PPP2R3A: variants seen among roughly 807,000 people sequenced by gnomAD.
The protein encoded by PPP2R3A is protein phosphatase 2 regulatory subunit B''alpha, also known as serine/threonine-protein phosphatase 2A regulatory subunit B'' subunit alpha.
PPP2R3A carries 80 observed loss-of-function variants against 106.9 expected under a neutral mutation model. The observed-to-expected ratio is 0.75, with a 90% confidence interval of 0.62 to 0.90. PPP2R3A has a LOEUF of 0.90. PPP2R3A is among the 40% of genes least tolerant of loss of function. The pLI is 0.00. For missense variants in PPP2R3A, 1,386 were observed against 1,350.4 expected, an observed-to-expected ratio of 1.03 and a Z score of -0.41; for synonymous variants, 483 against 468.3, an observed-to-expected ratio of 1.03 and a Z score of -0.41.
chr3:136,098,997 G>A (rs113888589), intron 10 of PPP2R3A, among the ~76,000 whole-genome samples: 5 of 152,170 alleles, frequency 3.3e-5, no homozygotes, highest in African/African-American at 9.7e-5. Context: ...AGATGTGAAT[G>A]TGATCTTGAA....
chr3:136,066,884 A>T (rs1936276142), intron 5 of PPP2R3A, among the ~76,000 whole-genome samples: 1 of 152,228 alleles, frequency 6.6e-6, no homozygotes, highest in Non-Finnish European at 1.5e-5. Flanking sequence ...CATATCATTT[A>T]TTAATGTCGT....
At chr3:136,074,920 T>C (rs1936549501) in intron 6 of PPP2R3A, among the ~76,000 whole-genome samples, 1 of 152,196 alleles carries the variant, frequency 6.6e-6, no homozygotes, top group Non-Finnish European at 1.5e-5. Context: ...CAGAAGACCA[T>C]AAGGAAATAC....
At chr3:136,041,975 G>C (rs1935303869) in intron 4 of PPP2R3A, among the ~76,000 whole-genome samples, 1 of 151,964 alleles carries the variant, frequency 6.6e-6, no homozygotes, top group Admixed American at 6.6e-5. Context: ...CCCTTGTTAT[G>C]CATGTTCTTC....
chr3:136,049,179 C>A, intron 4 of PPP2R3A, 80 bp from the exon 5 acceptor site: 1 of 1,066,020 alleles, frequency 9.4e-7, no homozygotes. Flanking sequence ...TCAGATCAAA[C>A]TGAAATTACT....
At position 136,098,530 on chromosome 3, in the gene PPP2R3A, A is replaced by G. The variant is rs76723906; in HGVS notation, c.2928-3477A>G. On this transcript the variant is annotated intron_variant, in intron 10 of 13. Coordinates refer to ENST00000264977, the MANE Select transcript of PPP2R3A (RefSeq NM_002718.5). ...TGGTTCTTAATATGGTTTCAGGCCT[A>G]CAAGTGGGAATTTGAACAGCGGTCT... Among the ~76,000 whole-genome samples the G allele has an allele frequency of 2.0e-3, 309 of 152,324 alleles. 2 individuals are homozygous for G. Among genetic ancestry groups the G allele is most frequent in the African/African-American group, 7.0e-3 (292 of 41,574 alleles).
rs1439784218 is a variant in PPP2R3A at position 136,146,802 on chromosome 3, C to G, written c.*1636C>G. The G allele has an allele frequency of 1.3e-5, 2 of 151,502 alleles. No homozygotes were observed. Among genetic ancestry groups the G allele is most frequent in the African/African-American group, 4.9e-5 (2 of 41,224 alleles). The allele number at this position is 151,502 out of a possible 1,614,324, so 9.4% of individuals were successfully genotyped here. A position where few individuals can be genotyped will look rare whatever the true frequency, so the allele number is the denominator to read the frequency against. ...AGATTATTTATGTGATAAATGAAAT[C>G]TCCTACCAATCCATCCAGCCTTTAC... On this transcript the variant is annotated 3_prime_UTR_variant, in exon 14 of 14. Coordinates refer to ENST00000264977, the MANE Select transcript of PPP2R3A (RefSeq NM_002718.5).
intron 6 of PPP2R3A, among the ~76,000 whole-genome samples, chr3:136,074,405 T>C (rs1349599832): frequency 6.6e-6 from 1 of 152,242 alleles, no homozygotes; most frequent in Non-Finnish European, 1.5e-5. Flanking sequence ...TGTATTCTTA[T>C]TTCCAAAAAG....
chr3:136,047,045 A>T (rs1935493394), intron 4 of PPP2R3A, among the ~76,000 whole-genome samples: 1 of 152,254 alleles, frequency 6.6e-6, no homozygotes, highest in Non-Finnish European at 1.5e-5. Flanking sequence ...ACAAAAATAA[A>T]AAAGAATTTT....
intron 2 of PPP2R3A, among the ~76,000 whole-genome samples, chr3:136,020,213 T>A (rs1934418034): frequency 6.6e-6 from 1 of 152,164 alleles, no homozygotes; most frequent in Admixed American, 6.5e-5. Flanking sequence ...CCCTTTTACC[T>A]GAACATGATT....
chr3:136,133,360 C>T (rs1938494028), intron 13 of PPP2R3A, among the ~76,000 whole-genome samples: 1 of 151,936 alleles, frequency 6.6e-6, no homozygotes, highest in Non-Finnish European at 1.5e-5. Context: ...AAAGGAGGTA[C>T]AAACAGTAAA....
chr3:135,988,455 C>G (rs1422137400), intron 1 of PPP2R3A, among the ~76,000 whole-genome samples: 1 of 152,062 alleles, frequency 6.6e-6, no homozygotes, highest in African/African-American at 2.4e-5. Flanking sequence ...TGGTCTCTCT[C>G]TTCTACTCTT....
At chr3:136,092,788 T>C (rs1024621084) in intron 10 of PPP2R3A, among the ~76,000 whole-genome samples, 1 of 152,204 alleles carries the variant, frequency 6.6e-6, no homozygotes, top group African/African-American at 2.4e-5. Flanking sequence ...AAAAAAACAG[T>C]GTTTTTAATA....
At chr3:136,118,084 G>A (rs1054465985) in intron 13 of PPP2R3A, among the ~76,000 whole-genome samples, 3 of 152,104 alleles carry the variant, frequency 2.0e-5, no homozygotes, top group Admixed American at 6.5e-5. Flanking sequence ...ATGCAAAACA[G>A]TAAATGTAAT....
rs760441254 is a variant in PPP2R3A at position 136,002,917 on chromosome 3, T to G, written c.1419T>G (p.Phe473Leu). ...TPMQNEIGKI[F>L]EKSFVNLPKE... ...TGCAAAATGAAATTGGTAAGATATT[T>G]GAGAAATCATTTGTTAATCTACCTA... is the stretch of plus-strand genomic sequence containing the variant. The change falls in exon 2 of 14, where the codon TTT becomes TTG. Residue 473 changes from phenylalanine (F) to leucine (L), a missense_variant. By Grantham distance (22) the Phe-to-Leu change is conservative. Transcript: ENST00000264977. 3 of 1,611,964 alleles carry G rather than the reference T, an allele frequency of 1.9e-6. No individual in the cohort carries two copies. In the Admixed American group the frequency reaches 5.0e-5, roughly 27 times the overall value.
chr3:136,138,227 A>T (rs1576340259), intron 13 of PPP2R3A, among the ~76,000 whole-genome samples: 1 of 152,290 alleles, frequency 6.6e-6, no homozygotes, highest in East Asian at 1.9e-4. Flanking sequence ...GCCCAATTTT[A>T]ATTTATTTCA....
intron 1 of PPP2R3A, among the ~76,000 whole-genome samples, chr3:135,996,443 CCTT>C (rs1391476382): frequency 6.6e-6 from 1 of 152,126 alleles, no homozygotes; most frequent in Non-Finnish European, 1.5e-5. Flanking sequence ...AAAAAATAGA[CCTT>C]CTACATCTCA....
chr3:136,024,880 T>G (rs556660058), intron 2 of PPP2R3A, among the ~76,000 whole-genome samples: 24 of 152,288 alleles, frequency 1.6e-4, no homozygotes, highest in East Asian at 3.9e-4. Flanking sequence ...CTTTGAAGAA[T>G]AATAATAATT....
intron 5 of PPP2R3A, among the ~76,000 whole-genome samples, chr3:136,058,054 C>T (rs1231450955): frequency 6.6e-6 from 1 of 152,106 alleles, no homozygotes; most frequent in Non-Finnish European, 1.5e-5. Context: ...ACCTAAGTAT[C>T]AGTGAATGGA....
chr3:136,076,833 G>C (rs1403095983), intron 6 of PPP2R3A, among the ~76,000 whole-genome samples: 1 of 152,110 alleles, frequency 6.6e-6, no homozygotes, highest in South Asian at 2.1e-4. Flanking sequence ...TGTAGTGCCA[G>C]CTACTTGGGA....
Sources: allele counts gnomAD v4.1 joint callset (sites outside exome capture counted in the v4.1 genomes callset), GRCh38; gene constraint gnomAD v4.1.1; transcripts MANE v1.5; gene names NCBI Gene and HGNC (gene_info 2026-07-23, HGNC 2026-07-21).